The following GRIK2 variants were observed in gnomAD, a reference collection of about 807,000 sequenced individuals.
GRIK2 encodes the protein glutamate receptor ionotropic, kainate 2.
GRIK2 carries 32 observed loss-of-function variants against 100.3 expected under a neutral mutation model. The ratio of observed to expected loss-of-function variants is 0.32; its 90% confidence interval spans 0.24 to 0.43. The LOEUF is 0.43. Ranked by LOEUF, GRIK2 falls within the 20% of genes least tolerant of loss-of-function variation. The pLI is 1.00. For synonymous variants in GRIK2, 417 were observed against 389.4 expected, an observed-to-expected ratio of 1.07 and a Z score of -0.83; for missense variants, 843 against 1,114.9, an observed-to-expected ratio of 0.76 and a Z score of 3.47.
At chr6:101,661,690 C>A (rs1308376396) in intron 4 of GRIK2, among the ~76,000 whole-genome samples, 1 of 152,108 alleles carries the variant, frequency 6.6e-6, no homozygotes, top group African/African-American at 2.4e-5. Context: ...CTTTTCCTCA[C>A]AGCACAGTCT....
intron 12 of GRIK2, among the ~76,000 whole-genome samples, chr6:101,916,340 A>G (rs2791782): frequency 0.94 from 141,571 of 151,092 alleles, 66,366 homozygotes; most frequent in Middle Eastern, 0.97. Context: ...CACAGACTTT[A>G]TGACCAAATC....
At chr6:101,621,686 T>C (rs1000246821) in intron 2 of GRIK2, among the ~76,000 whole-genome samples, 4 of 152,096 alleles carry the variant, frequency 2.6e-5, no homozygotes, top group Non-Finnish European at 5.9e-5. Flanking sequence ...ATTTGTATCA[T>C]GTTAAATTTT....
Position 101,799,801 on chromosome 6 carries a change from GAGA to G in GRIK2, c.1095+15_1095+17del, listed in dbSNP as rs771633608. The stretch of plus-strand genomic sequence containing the variant: ...GAGTCTAATTAAAGAGGTAAGTTAG[GAGA>G]AGAACATCTGCCTTGTCTCTTTTGT... On this transcript the variant is annotated intron_variant, in intron 8 of 16. Coordinates refer to ENST00000369134, the MANE Select transcript of GRIK2 (RefSeq NM_021956.5). 8 of 1,607,190 alleles carry G rather than the reference GAGA, an allele frequency of 5.0e-6. No homozygotes were observed. The South Asian group carries it at 6.6e-5, about 13-fold the overall frequency.
rs191150162 is a variant in GRIK2, at chr6:101,436,651, A to G, written c.115+37259A>G. On this transcript the variant is annotated intron_variant, in intron 2 of 16. Coordinates refer to ENST00000369134, the MANE Select transcript of GRIK2 (RefSeq NM_021956.5). ...ATTGGTATCTTCAGCAAATTTTCAGATTCTTCTCAGTTCATTTTATGTATA... is the reference window on the plus strand; with the variant it reads ...ATTGGTATCTTCAGCAAATTTTCAGGTTCTTCTCAGTTCATTTTATGTATA... Among the ~76,000 whole-genome samples, 328 of 152,066 alleles carry G rather than the reference A, an allele frequency of 2.2e-3. 1 individual carries two copies. The highest frequency in any genetic ancestry group is 5.4e-3 in the South Asian group (26 of 4,824).
intron 7 of GRIK2, among the ~76,000 whole-genome samples, chr6:101,715,931 T>G (rs1023146924): frequency 1.4e-4 from 21 of 151,954 alleles, no homozygotes; most frequent in East Asian, 3.9e-4. Flanking sequence ...CAAAACTCTG[T>G]TAGTCAAGAG....
At chr6:101,755,019 T>G (rs963474430) in intron 7 of GRIK2, among the ~76,000 whole-genome samples, 3 of 152,108 alleles carry the variant, frequency 2.0e-5, no homozygotes, top group Non-Finnish European at 4.4e-5. Context: ...TAACTCTGCT[T>G]GAATTGTGGC....
intron 16 of GRIK2, chr6:102,064,163 C>T (rs886996987): frequency 4.6e-5 from 27 of 583,866 alleles, no homozygotes; most frequent in Middle Eastern, 4.0e-4. Context: ...TGACACAGTG[C>T]GTGGGTTTCC....
chr6:101,733,449 T>C (rs1775417907), intron 7 of GRIK2, among the ~76,000 whole-genome samples: 1 of 152,176 alleles, frequency 6.6e-6, no homozygotes, highest in African/African-American at 2.4e-5. Context: ...TCTGTCTTTT[T>C]TACTATGTTC....
At position 101,626,472 on chromosome 6, in the gene GRIK2, G is replaced by A; in HGVS notation, c.376G>A (p.Gly126Arg). The A allele has an allele frequency of 6.2e-7, 1 of 1,613,920 alleles. No individual in the cohort carries two copies. The highest frequency in any genetic ancestry group is 1.3e-5 in the African/African-American group (1 of 74,996). ...NAVQSICNAL[G>R]VPHIQTRWKH... ...AGTGCAGTCCATCTGCAATGCTCTG[G>A]GAGTTCCCCACATACAGACCCGCTG... The change falls in exon 4 of 17, where the codon GGA becomes AGA. Residue 126 changes from glycine to arginine, a missense_variant. Physicochemically the swap from Gly to Arg is moderately radical, Grantham distance 125. Coordinates refer to ENST00000369134, the MANE Select transcript of GRIK2 (RefSeq NM_021956.5).
intron 2 of GRIK2, among the ~76,000 whole-genome samples, chr6:101,580,139 G>GTATC (rs1485515285): frequency 1.3e-5 from 2 of 152,052 alleles, no homozygotes; most frequent in Non-Finnish European, 2.9e-5. Flanking sequence ...TTCCTAATTA[G>GTATC]TATCTCATCT....
chr6:102,031,545 T>C (rs1009758734), intron 14 of GRIK2, among the ~76,000 whole-genome samples: 2 of 151,236 alleles, frequency 1.3e-5, no homozygotes, highest in Admixed American at 6.6e-5. Flanking sequence ...ATGCTGAGGT[T>C]TGAGGTACAG....
At chr6:101,428,542 T>C (rs1465112032) in intron 2 of GRIK2, among the ~76,000 whole-genome samples, 5 of 152,190 alleles carry the variant, frequency 3.3e-5, no homozygotes, top group Non-Finnish European at 7.4e-5. Context: ...AGAAGACCTA[T>C]GGAAATGTTG....
At chr6:101,953,844 AAG>A (rs1404136818) in intron 14 of GRIK2, among the ~76,000 whole-genome samples, 1 of 152,092 alleles carries the variant, frequency 6.6e-6, no homozygotes, top group Non-Finnish European at 1.5e-5. Flanking sequence ...CAAGGTCCTA[AAG>A]AGTTACTACT....
intron 4 of GRIK2, among the ~76,000 whole-genome samples, chr6:101,657,793 A>AT (rs901227320): frequency 2.6e-5 from 4 of 151,536 alleles, no homozygotes; most frequent in South Asian, 4.2e-4. Context: ...AAGGGTGTAA[A>AT]TTTTTTTTTC....
chr6:101,744,292 T>A (rs533747798), intron 7 of GRIK2, among the ~76,000 whole-genome samples: 1 of 151,702 alleles, frequency 6.6e-6, no homozygotes, highest in Admixed American at 6.6e-5. Flanking sequence ...TTCCTCTGAG[T>A]CTCCAAAGTC....
chr6:101,404,427 T>C (rs78029424), intron 2 of GRIK2, among the ~76,000 whole-genome samples: 1,645 of 152,356 alleles, frequency 0.011, 37 homozygotes, highest in African/African-American at 0.038. Context: ...GAAAATGCCT[T>C]GCTCTTTTGT....
chr6:101,400,949 A>T (rs1044331330), intron 2 of GRIK2, among the ~76,000 whole-genome samples: 1 of 152,182 alleles, frequency 6.6e-6, no homozygotes, highest in South Asian at 2.1e-4. Flanking sequence ...TGTGGACAGG[A>T]TTAAACAGGT....
chr6:101,762,990 C>G (rs570006583), intron 7 of GRIK2, among the ~76,000 whole-genome samples: 7 of 151,336 alleles, frequency 4.6e-5, no homozygotes, highest in African/African-American at 1.7e-4. Context: ...CCCAGACAGA[C>G]TCAACAGCAG....
chr6:101,845,433 C>T (rs926336636), intron 10 of GRIK2, among the ~76,000 whole-genome samples: 1 of 152,108 alleles, frequency 6.6e-6, no homozygotes, highest in Non-Finnish European at 1.5e-5. Context: ...TTGTGTCTGC[C>T]TGCTTTCACT....
Sources: allele counts gnomAD v4.1 joint callset (sites outside exome capture counted in the v4.1 genomes callset), GRCh38; gene constraint gnomAD v4.1.1; transcripts MANE v1.5; gene names NCBI Gene and HGNC (gene_info 2026-07-23, HGNC 2026-07-21).